FRMPD1: variants seen among roughly 807,000 people sequenced by gnomAD.
The protein encoded by FRMPD1 is FERM and PDZ domain containing 1.
A neutral mutation model predicts 117.8 loss-of-function variants in FRMPD1; 76 were observed. The observed-to-expected ratio is 0.65, with a 90% CI of 0.54 to 0.78. The LOEUF (loss-of-function observed/expected upper bound fraction) is 0.78, where lower values mean the gene tolerates loss of function less well. Ranked by LOEUF, FRMPD1 falls within the 30% of genes least tolerant of loss-of-function variation. The pLI is 0.00. For missense variants in FRMPD1, 1,786 were observed against 1,964.5 expected (o/e 0.91, Z 1.72); for synonymous variants, 783 against 770.4 (o/e 1.02, Z -0.27).
chr9:37,665,312 C>A (rs1821128213), intron 1 of FRMPD1, among the ~76,000 whole-genome samples: 2 of 152,090 alleles, frequency 1.3e-5, no homozygotes, highest in East Asian at 3.8e-4. Context: ...TTCTACCAGC[C>A]ACATGTATTA....
chr9:37,604,729 T>C, the FRMPD1 span, among the ~76,000 whole-genome samples: 1 of 152,332 alleles, frequency 6.6e-6, no homozygotes, highest in African/African-American at 2.4e-5. Flanking sequence ...GTGTCCTTGG[T>C]CCTCAGCATT....
chr9:37,692,629 T>C lies in FRMPD1; in HGVS notation c.-4-9T>C. 1 of 1,566,162 alleles carries C rather than the reference T, an allele frequency of 6.4e-7. No homozygotes were observed. The highest frequency in any genetic ancestry group is 1.1e-5 in the South Asian group (1 of 90,106). ...GTTAGCATCTTAAGAACACTCTTCT[T>C]CCTTTTAGGTAAATGGAAGAGCTGG... is the stretch of plus-strand genomic sequence containing the variant. On this transcript the variant is annotated splice_polypyrimidine_tract_variant and intron_variant, in intron 1 of 15. Coordinates refer to ENST00000377765, the MANE Select transcript of FRMPD1 (RefSeq NM_014907.3).
At chr9:37,637,143 C>T in the FRMPD1 span, 31 of 1,609,200 alleles carry the variant, frequency 1.9e-5, no homozygotes, top group Admixed American at 3.3e-5. Context: ...CCATCCAGCT[C>T]GATGGTTTGG....
At chr9:37,661,150 T>C (rs1226853134) in intron 1 of FRMPD1, among the ~76,000 whole-genome samples, 1 of 152,198 alleles carries the variant, frequency 6.6e-6, no homozygotes, top group South Asian at 2.1e-4. Flanking sequence ...CTGCTGCCTG[T>C]TGTTCTGTGA....
chr9:37,720,436 G>A (rs1037701320), intron 6 of FRMPD1, among the ~76,000 whole-genome samples: 11 of 151,958 alleles, frequency 7.2e-5, no homozygotes, highest in Non-Finnish European at 7.4e-5. Context: ...AGGCCGAGGC[G>A]GGCAGATCAC....
chr9:37,634,991 C>G, the FRMPD1 span, among the ~76,000 whole-genome samples: 1 of 152,074 alleles, frequency 6.6e-6, no homozygotes, highest in Non-Finnish European at 1.5e-5. Context: ...TTATGTCCTC[C>G]ACTTGACCAA....
the FRMPD1 span, among the ~76,000 whole-genome samples, chr9:37,607,185 C>G: frequency 2.0e-5 from 3 of 152,082 alleles, no homozygotes; most frequent in South Asian, 6.2e-4. Context: ...CATGGTGGCT[C>G]GTGCCTGTAA....
chr9:37,683,893 G>T (rs554241286), intron 1 of FRMPD1, among the ~76,000 whole-genome samples: 2 of 148,508 alleles, frequency 1.3e-5, no homozygotes, highest in East Asian at 2.0e-4. Context: ...AAAGGCTTTG[G>T]GGGGAACAAC....
At chr9:37,692,598 A>G (rs746093729) in intron 1 of FRMPD1, 40 bp from the exon 2 acceptor site, 24 of 1,268,890 alleles carry the variant, frequency 1.9e-5, no homozygotes, top group African/African-American at 1.0e-4. Context: ...TCTTTAGAGT[A>G]TTTTGGTTAG....
At chr9:37,617,029 C>T in the FRMPD1 span, among the ~76,000 whole-genome samples, 14 of 152,338 alleles carry the variant, frequency 9.2e-5, no homozygotes, top group Admixed American at 5.9e-4. Context: ...TGCACACAGA[C>T]CATGATAAGA....
At chr9:37,676,727 C>G (rs1821542329) in intron 1 of FRMPD1, among the ~76,000 whole-genome samples, 1 of 152,170 alleles carries the variant, frequency 6.6e-6, no homozygotes, top group Admixed American at 6.5e-5. Flanking sequence ...GCATTCTTGG[C>G]CGCCTGACAG....
At chr9:37,659,882 C>T (rs1233768891) in intron 1 of FRMPD1, among the ~76,000 whole-genome samples, 21 of 143,164 alleles carry the variant, frequency 1.5e-4, no homozygotes, top group Middle Eastern at 3.5e-3. Flanking sequence ...AAAGAGAGTG[C>T]GCTGCTTTGT....
chr9:37,731,520 T>C (rs1471017888), intron 9 of FRMPD1, among the ~76,000 whole-genome samples: 1 of 152,160 alleles, frequency 6.6e-6, no homozygotes, highest in Non-Finnish European at 1.5e-5. Context: ...GGCCTGGTGC[T>C]CCCCCTATTC....
upstream of FRMPD1, among the ~76,000 whole-genome samples, chr9:37,649,144 AGTTCT>A (rs1194477908): frequency 3.3e-5 from 5 of 152,174 alleles, no homozygotes. Context: ...ACAAGAGAAT[AGTTCT>A]TATCTTACTT....
chr9:37,650,352 C>T (rs924559270), upstream of FRMPD1, among the ~76,000 whole-genome samples: 1 of 152,164 alleles, frequency 6.6e-6, no homozygotes, highest in East Asian at 1.9e-4. Flanking sequence ...TTGAGGAACC[C>T]TCAAGGAGAC....
intron 1 of FRMPD1, among the ~76,000 whole-genome samples, chr9:37,686,858 A>G (rs965593682): frequency 2.0e-5 from 3 of 152,342 alleles, no homozygotes; most frequent in Admixed American, 2.0e-4. Context: ...ATAAGAATGT[A>G]GAGGTCAGAC....
intron 1 of FRMPD1, among the ~76,000 whole-genome samples, chr9:37,671,619 C>T (rs989878447): frequency 6.6e-6 from 1 of 152,104 alleles, no homozygotes; most frequent in African/African-American, 2.4e-5. Flanking sequence ...AAAGCACCGA[C>T]CCCGAGTAGA....
At chr9:37,604,754 G>T in the FRMPD1 span, among the ~76,000 whole-genome samples, 1 of 152,142 alleles carries the variant, frequency 6.6e-6, no homozygotes, top group Non-Finnish European at 1.5e-5. Context: ...TGGGCCAAGA[G>T]CAAAGAAAAG....
chr9:37,670,362 A>G (rs1821310067), intron 1 of FRMPD1, among the ~76,000 whole-genome samples: 1 of 152,180 alleles, frequency 6.6e-6, no homozygotes, highest in South Asian at 2.1e-4. Context: ...TGGTTGTGGA[A>G]GCCTAGAGAT....
Sources: allele counts gnomAD v4.1 joint callset (sites outside exome capture counted in the v4.1 genomes callset), GRCh38; gene constraint gnomAD v4.1.1; transcripts MANE v1.5; gene names NCBI Gene and HGNC (gene_info 2026-07-23, HGNC 2026-07-21).